Variants in DMXL1 observed in about 807,000 individuals in gnomAD.
DMXL1 encodes the protein dmX-like protein 1.
In DMXL1, 99 loss-of-function variants were observed where a neutral mutation model predicts 319.2. The ratio of observed to expected loss-of-function variants is 0.31; its 90% CI spans 0.26 to 0.37. The LOEUF (loss-of-function observed/expected upper bound fraction) is 0.37, where lower values mean the gene tolerates loss of function less well. Ranked by LOEUF, DMXL1 falls within the 10% of genes least tolerant of loss-of-function variation. The pLI is 1.00. For synonymous variants in DMXL1, 1,385 were observed against 1,235.2 expected, an observed-to-expected ratio of 1.12 and a Z score of -2.54; for missense variants, 3,745 against 3,595.6, an observed-to-expected ratio of 1.04 and a Z score of -1.06.
chr5:119,108,486 C>T (rs920752470), intron 4 of DMXL1, among the ~76,000 whole-genome samples: 8 of 152,112 alleles, frequency 5.3e-5, no homozygotes, highest in Admixed American at 1.3e-4. Context: ...TGCAGTAGCA[C>T]AATCATAGCT....
At chr5:119,107,900 C>A (rs1025971254) in intron 4 of DMXL1, among the ~76,000 whole-genome samples, 4 of 152,054 alleles carry the variant, frequency 2.6e-5, no homozygotes, top group African/African-American at 9.7e-5. Context: ...TATAGCTAAT[C>A]CTTACAACAA....
chr5:119,077,584 A>G (rs1333783159), intron 1 of DMXL1, among the ~76,000 whole-genome samples: 1 of 140,530 alleles, frequency 7.1e-6, no homozygotes, highest in African/African-American at 2.7e-5. Flanking sequence ...CCTGGCCTGA[A>G]GCGATCCTCC....
At position 119,176,841 on chromosome 5, in the gene DMXL1, T is replaced by A. The variant is rs180753661; in HGVS notation, c.6759-516T>A. On this transcript the variant is annotated intron_variant, in intron 26 of 43. Coordinates refer to ENST00000539542, the MANE Select transcript of DMXL1 (RefSeq NM_001290321.3). ...AAGCTTATCCTGAATTCTCAAATTG[T>A]GTGAAATACTCCTCTGTATTGCCTT... Among the ~76,000 whole-genome samples, 280 of 152,240 alleles carry A rather than the reference T, an allele frequency of 1.8e-3. 2 individuals carry two copies. Among genetic ancestry groups the A allele is most frequent in the Non-Finnish European group, 6.6e-4 (45 of 67,932 alleles).
rs981990565 is a variant in DMXL1, at chr5:119,118,851, A to C, written c.780A>C (p.Lys260Asn). 7 of 1,613,342 alleles carry C rather than the reference A, an allele frequency of 4.3e-6. No homozygotes were observed. The highest frequency in any genetic ancestry group is 5.1e-6 in the Non-Finnish European group (6 of 1,179,758). ...SVCNVLLTCC[K>N]DNVCRLWVET... ...GTAATGTACTGTTGACTTGCTGCAA[A>C]GATAATGTGTGTCGTCTTTGGGTAG... Residue 260 changes from lysine to asparagine, a missense_variant, in exon 8 of 44, where the codon AAA becomes AAC. This residue lies in a region of DMXL1 where 2,096 missense variants were observed against 1,985.4 expected (regional missense o/e 1.06). Coordinates refer to ENST00000539542, the MANE Select transcript of DMXL1 (RefSeq NM_001290321.3).
intron 1 of DMXL1, among the ~76,000 whole-genome samples, chr5:119,079,795 T>C (rs2197797): frequency 0.07 from 10,594 of 152,210 alleles, 1,100 homozygotes; most frequent in African/African-American, 0.23. Flanking sequence ...TGATCATTTT[T>C]TCCTTCACTT....
At chr5:119,242,575 A>G (rs1432770532) in intron 42 of DMXL1, among the ~76,000 whole-genome samples, 4 of 152,218 alleles carry the variant, frequency 2.6e-5, no homozygotes, top group Non-Finnish European at 4.4e-5. Context: ...CCTAATCAAA[A>G]TTCCAGCATG....
intron 1 of DMXL1, among the ~76,000 whole-genome samples, chr5:119,090,586 G>C (rs1754549589): frequency 7.1e-6 from 1 of 140,166 alleles, no homozygotes; most frequent in Non-Finnish European, 1.5e-5. Flanking sequence ...CTTTGAGACA[G>C]AGTTTCACTC....
intron 4 of DMXL1, among the ~76,000 whole-genome samples, chr5:119,108,957 A>C (rs1758958091): frequency 6.6e-6 from 1 of 151,854 alleles, no homozygotes; most frequent in African/African-American, 2.4e-5. Context: ...ATGCTCCACC[A>C]TGCCCGGCTA....
chr5:119,190,609 C>T (rs1241245109), intron 29 of DMXL1, among the ~76,000 whole-genome samples: 4 of 151,900 alleles, frequency 2.6e-5, no homozygotes, highest in Non-Finnish European at 5.9e-5. Flanking sequence ...AAAGTGCATC[C>T]ATAAAAAAAG....
chr5:119,201,295 A>G (rs183697656), intron 32 of DMXL1, among the ~76,000 whole-genome samples: 315 of 152,276 alleles, frequency 2.1e-3, no homozygotes, highest in African/African-American at 7.2e-3. Flanking sequence ...GAATTTTATC[A>G]AAAGCCTTTT....
rs139856633 is a variant in DMXL1 at position 119,170,267 on chromosome 5, C to T, written c.5476C>T (p.Arg1826Cys). ...YLRTHPLLLR[R>C]HFGSSDTFST... is the part of the protein sequence containing the mutation. ...AAGAACACATCCTCTTTTGCTGAGACGTCATTTTGGATCATCTGATACATT... is the reference window on the plus strand; with the variant it reads ...AAGAACACATCCTCTTTTGCTGAGATGTCATTTTGGATCATCTGATACATT... The change falls in exon 24 of 44, where the codon CGT (arginine) becomes TGT (cysteine). Residue 1826 changes from arginine (R) to cysteine (C), a missense_variant. Transcript: ENST00000539542. 2.1e-4 allele frequency: 345 copies of T among 1,613,598 alleles called. No homozygotes were observed. Among genetic ancestry groups the T allele is most frequent in the Middle Eastern group, 1.2e-3 (7 of 6,082 alleles).
Position 119,163,005 on chromosome 5 carries a change from C to G in DMXL1, c.4703-1502C>G, listed in dbSNP as rs1772598585. On this transcript the variant is annotated intron_variant, in intron 19 of 43. Coordinates refer to ENST00000539542, the MANE Select transcript of DMXL1 (RefSeq NM_001290321.3). ...TAATCATTTACTTTACCTAGTAATG[C>G]TAAACAAAATGTATTATGAAAAGTG... Among the ~76,000 whole-genome samples the G allele has an allele frequency of 2.0e-5, 3 of 152,038 alleles. No homozygotes were observed. The South Asian group carries it at 6.2e-4, about 32-fold the overall frequency.
chr5:119,114,362 A>G (rs940939645), intron 5 of DMXL1, 113 bp from the exon 6 acceptor site: 1 of 754,016 alleles, frequency 1.3e-6, no homozygotes, highest in African/African-American at 1.8e-5. Flanking sequence ...TGGGTGTGAA[A>G]CTTATAACAT....
chr5:119,229,441 A>C (rs992237692), intron 38 of DMXL1, among the ~76,000 whole-genome samples: 4 of 152,120 alleles, frequency 2.6e-5, no homozygotes. Flanking sequence ...TTTTAATAAC[A>C]TATATAAATA....
rs1356346600 is a variant in DMXL1 at position 119,149,927 on chromosome 5, A to G, written c.4100A>G (p.His1367Arg). ...GCTCTGAATGAAGCTGAATCTAATCATGAACGCCGCCTTAGGTCTCTCACA... is the reference window on the plus strand; with the variant it reads ...GCTCTGAATGAAGCTGAATCTAATCGTGAACGCCGCCTTAGGTCTCTCACA... ...VVALNEAESN[H>R]ERRLRSLTIS... The change falls in exon 18 of 44, where the codon CAT (histidine) becomes CGT (arginine). Residue 1367 changes from histidine to arginine, a missense_variant. His to Arg is a conservative substitution (Grantham distance 29, BLOSUM62 0). Around this residue, in one of 4 missense-constraint regions of DMXL1, gnomAD observed 2,096 missense variants for 1,985.4 expected, o/e 1.06. Coordinates refer to ENST00000539542, the MANE Select transcript of DMXL1 (RefSeq NM_001290321.3). 2 of 1,613,910 alleles carry G rather than the reference A, an allele frequency of 1.2e-6. No individual in the cohort carries two copies. Among genetic ancestry groups the G allele is most frequent in the Non-Finnish European group, 8.5e-7 (1 of 1,179,924 alleles).
rs762816087 is a variant in DMXL1 at position 119,133,626 on chromosome 5, G to T, written c.1702G>T (p.Gly568Cys). 1.9e-6 allele frequency: 3 copies of T among 1,614,070 alleles called. No homozygotes were observed. Among genetic ancestry groups the T allele is most frequent in the Middle Eastern group, 1.6e-4 (1 of 6,062 alleles). The change falls in exon 12 of 44, where the codon GGC (glycine) becomes TGC (cysteine). Residue 568 changes from glycine (G) to cysteine (C), a missense_variant. Coordinates refer to ENST00000539542, the MANE Select transcript of DMXL1 (RefSeq NM_001290321.3). Reference sequence around the variant, plus strand: ...TCAGCAGGGGAAACAAAAACCTTCTGGCCTCACCCGTTCCACATCAATGCT... The same window carrying T: ...TCAGCAGGGGAAACAAAAACCTTCTTGCCTCACCCGTTCCACATCAATGCT... ...AIQQGKQKPS[G>C]LTRSTSMLIS...
At chr5:119,174,315 C>G in intron 25 of DMXL1, among the ~76,000 whole-genome samples, 1 of 139,064 alleles carries the variant, frequency 7.2e-6, no homozygotes, top group South Asian at 2.3e-4. Context: ...GGTGTAGATT[C>G]GGAACTCACA....
Position 119,110,058 on chromosome 5 carries a change from T to A in DMXL1, c.365-93T>A, listed in dbSNP as rs1362033008. On this transcript the variant is annotated intron_variant, in intron 4 of 43. Transcript: ENST00000539542. ...AAATTTTTTTTGATATTTGACTTTTTTTTAGAAGTTGTTTTATATGAAATT... is the reference window on the plus strand; with the variant it reads ...AAATTTTTTTTGATATTTGACTTTTATTTAGAAGTTGTTTTATATGAAATT... 4 of 1,241,374 alleles carry A rather than the reference T, an allele frequency of 3.2e-6. No homozygotes were observed. The African/African-American group carries it at 6.4e-5, about 20-fold the overall frequency. 76.9% of individuals were successfully genotyped at this position (1,241,374 alleles called of 1,614,324 possible). A position where few individuals can be genotyped will look rare whatever the true frequency, so the allele number is the denominator to read the frequency against.
chr5:119,182,516 G>C (rs1776957799), intron 28 of DMXL1, among the ~76,000 whole-genome samples: 1 of 151,908 alleles, frequency 6.6e-6, no homozygotes, highest in East Asian at 1.9e-4. Context: ...TATAAATTTG[G>C]ATTTAAATTT....
Sources: allele counts gnomAD v4.1 joint callset (sites outside exome capture counted in the v4.1 genomes callset), GRCh38; gene constraint gnomAD v4.1.1; regional missense constraint gnomAD v4.1.1; transcripts MANE v1.5; gene names NCBI Gene and HGNC (gene_info 2026-07-23, HGNC 2026-07-21).